Variants in ARHGAP39 observed in about 807,000 individuals in gnomAD.
ARHGAP39 encodes the protein Rho GTPase activating protein 39.
Under a neutral mutation model 106.9 loss-of-function variants are expected in ARHGAP39, and 44 were observed. That is an observed-to-expected ratio of 0.41 (90% CI 0.32 to 0.53). The LOEUF is 0.53. Ranked by LOEUF, ARHGAP39 falls within the 20% of genes least tolerant of loss-of-function variation. ARHGAP39 has a pLI of 0.21. For missense variants in ARHGAP39, 1,496 were observed against 1,577.3 expected (o/e 0.95, Z 0.87); for synonymous variants, 768 against 693.2 (o/e 1.11, Z -1.69).
At chr8:144,560,442 C>A (rs866362974) in intron 3 of ARHGAP39, among the ~76,000 whole-genome samples, 37 of 152,170 alleles carry the variant, frequency 2.4e-4, no homozygotes, top group Middle Eastern at 6.8e-3. Context: ...CTCAAAAAAA[C>A]AAAACAAAAT....
At chr8:144,694,905 G>A in the ARHGAP39 span, among the ~76,000 whole-genome samples, 1,837 of 152,106 alleles carry the variant, frequency 0.012, 19 homozygotes, top group Non-Finnish European at 0.021. Context: ...GAGTACAATC[G>A]ATCAGCACCA....
At chr8:144,582,872 T>A (rs1183093235) in intron 2 of ARHGAP39, among the ~76,000 whole-genome samples, 2 of 152,164 alleles carry the variant, frequency 1.3e-5, no homozygotes, top group African/African-American at 4.8e-5. Flanking sequence ...GTCATCCCCG[T>A]GGGAAGGCGA....
intron 1 of ARHGAP39, among the ~76,000 whole-genome samples, chr8:144,643,137 C>A (rs902363885): frequency 2.1e-4 from 32 of 152,178 alleles, no homozygotes; most frequent in African/African-American, 7.5e-4. Flanking sequence ...CCCCACCAGC[C>A]TTCCTGCCAG....
At chr8:144,574,967 T>TAC in intron 3 of ARHGAP39, among the ~76,000 whole-genome samples, 1 of 152,340 alleles carries the variant, frequency 6.6e-6, no homozygotes, top group South Asian at 2.1e-4. Context: ...TAAGGCCTGC[T>TAC]ACACACCCAG....
intron 6 of ARHGAP39, among the ~76,000 whole-genome samples, chr8:144,539,246 T>A (rs750811235): frequency 3.9e-5 from 6 of 152,308 alleles, no homozygotes; most frequent in Middle Eastern, 3.4e-3. Context: ...TCTGTAAATA[T>A]TTCTGTATGT....
At chr8:144,694,006 G>A in the ARHGAP39 span, among the ~76,000 whole-genome samples, 2 of 152,160 alleles carry the variant, frequency 1.3e-5, no homozygotes, top group Non-Finnish European at 1.5e-5. Flanking sequence ...AAATAGCGAG[G>A]GCAAAGGAGA....
intron 1 of ARHGAP39, among the ~76,000 whole-genome samples, chr8:144,648,691 CA>C (rs1192879332): frequency 1.3e-5 from 2 of 152,200 alleles, no homozygotes; most frequent in African/African-American, 4.8e-5. Context: ...CCTAGCTTCC[CA>C]ATGAATCTCT....
chr8:144,597,546 A>G (rs1819667790), intron 2 of ARHGAP39, among the ~76,000 whole-genome samples: 2 of 152,196 alleles, frequency 1.3e-5, no homozygotes, highest in African/African-American at 2.4e-5. Context: ...TGCCCCTTGC[A>G]GATCTACGCG....
At chr8:144,611,266 G>A (rs1422743954) in intron 1 of ARHGAP39, among the ~76,000 whole-genome samples, 1 of 152,174 alleles carries the variant, frequency 6.6e-6, no homozygotes, top group African/African-American at 2.4e-5. Context: ...ATTTGTTCAA[G>A]TTTATTGATG....
At chr8:144,578,985 G>A (rs1284613323) in intron 3 of ARHGAP39, among the ~76,000 whole-genome samples, 3 of 151,906 alleles carry the variant, frequency 2.0e-5, no homozygotes, top group East Asian at 1.9e-4. Context: ...GGTGGATCAC[G>A]AGGTCAGGAG....
At chr8:144,607,718 AT>A (rs1252187716) in intron 1 of ARHGAP39, among the ~76,000 whole-genome samples, 2 of 152,242 alleles carry the variant, frequency 1.3e-5, no homozygotes, top group Admixed American at 1.3e-4. Context: ...TCCCAGACAG[AT>A]TGTGGGGCCA....
chr8:144,652,659 AC>A, intron 1 of ARHGAP39, among the ~76,000 whole-genome samples: 1 of 152,344 alleles, frequency 6.6e-6, no homozygotes, highest in Non-Finnish European at 1.5e-5. Context: ...TAACACAGGA[AC>A]AAAAAACCAA....
intron 3 of ARHGAP39, among the ~76,000 whole-genome samples, chr8:144,575,856 C>A (rs1163023970): frequency 6.6e-6 from 1 of 152,178 alleles, no homozygotes; most frequent in Non-Finnish European, 1.5e-5. Flanking sequence ...CACAGACTTG[C>A]GAGTACGGTG....
chr8:144,602,932 T>TGCGA (rs1586604455), intron 2 of ARHGAP39, among the ~76,000 whole-genome samples: 2 of 124,346 alleles, frequency 1.6e-5, no homozygotes, highest in Admixed American at 8.1e-5. Flanking sequence ...GGCGTGTGTG[T>TGCGA]GCTCGTGTAC....
chr8:144,628,957 C>T (rs556043559), intron 1 of ARHGAP39, among the ~76,000 whole-genome samples: 2 of 152,306 alleles, frequency 1.3e-5, no homozygotes, highest in African/African-American at 2.4e-5. Flanking sequence ...AGGACGCGTG[C>T]GATTCTTGTG....
the ARHGAP39 span, among the ~76,000 whole-genome samples, chr8:144,696,815 CT>C: frequency 6.6e-6 from 1 of 152,278 alleles, no homozygotes; most frequent in African/African-American, 2.4e-5. Flanking sequence ...TAAACACTAA[CT>C]CCCCATTCTC....
In ARHGAP39 at chr8:144,647,000, C is replaced by T. The variant is rs369194846; in HGVS notation, c.-82+38686G>A. Among the ~76,000 whole-genome samples the T allele has an allele frequency of 3.5e-5, 5 of 143,296 alleles. No individual in the cohort carries two copies. The highest frequency in any genetic ancestry group is 1.3e-4 in the African/African-American group (5 of 38,332). The allele number at this position is 143,296 out of a possible 152,430, so 94.0% of individuals were successfully genotyped here. ...TTTTTTTTTTTTTGAGACAGAGTCT[C>T]GCTTTATAGCCAGGCTGGAGTACAA... is the stretch of plus-strand genomic sequence containing the variant. On this transcript the variant is annotated intron_variant, in intron 1 of 11. Transcript: ENST00000377307. The surrounding 1 kb of genome is among the most constrained non-coding windows in gnomAD (Gnocchi z 5.7).
At chr8:144,602,071 ATGTACCTGTGTGTGGAGGCGTGTGT>A (rs1820005112) in intron 2 of ARHGAP39, among the ~76,000 whole-genome samples, 3 of 86,500 alleles carry the variant, frequency 3.5e-5, no homozygotes, top group East Asian at 4.2e-4. Context: ...GTGCGTGCTC[ATGTACCTGTGTGTGGAGGCGTGTGT>A]GCTCGTGTAC....
chr8:144,620,731 T>C (rs7005791), intron 1 of ARHGAP39, among the ~76,000 whole-genome samples: 30,950 of 152,136 alleles, frequency 0.2, 5,307 homozygotes, highest in African/African-American at 0.47. Flanking sequence ...CCTGACCCAG[T>C]GGGCTGCCCT....
Sources: allele counts gnomAD v4.1 joint callset (sites outside exome capture counted in the v4.1 genomes callset), GRCh38; gene constraint gnomAD v4.1.1; non-coding constraint Gnocchi (gnomAD v3.1); transcripts MANE v1.5; gene names NCBI Gene and HGNC (gene_info 2026-07-23, HGNC 2026-07-21).